Variants in NFATC2 observed in about 807,000 individuals in gnomAD.
NFATC2 encodes the protein nuclear factor of activated T cells 2.
NFATC2 carries 22 observed loss-of-function variants against 87.3 expected under a neutral mutation model. That is an observed-to-expected ratio of 0.25 (90% CI 0.18 to 0.36). The LOEUF is 0.36. NFATC2 is among the 10% of genes least tolerant of loss of function. The probability of loss-of-function intolerance (pLI) is 1.00; values close to 1 mark genes in which losing one functional copy is unlikely to be tolerated. For synonymous variants in NFATC2, 565 were observed against 542.2 expected (o/e 1.04, Z -0.58); for missense variants, 1,149 against 1,259.1 (o/e 0.91, Z 1.32).
chr20:51,503,610 C>T (rs1432755951), intron 3 of NFATC2, among the ~76,000 whole-genome samples: 1 of 152,154 alleles, frequency 6.6e-6, no homozygotes, highest in Admixed American at 6.5e-5. Flanking sequence ...GCCCAGCTGC[C>T]CTGGGTCAGG....
rs761146847 is a variant in NFATC2, at chr20:51,561,477, AAG to A, written c.70+1081_70+1082del. 5.5e-5 allele frequency among the ~76,000 whole-genome samples: 7 copies of A among 127,230 alleles called. No homozygotes were observed. The South Asian group carries it at 7.8e-4, about 14-fold the overall frequency. 83.5% of individuals were successfully genotyped at this position (127,230 alleles called of 152,430 possible). A position where few individuals can be genotyped will look rare whatever the true frequency, so the allele number is the denominator to read the frequency against. On this transcript the variant is annotated intron_variant, in intron 1 of 10. Coordinates refer to the NFATC2 transcript ENST00000414705. ...AAAGAAAGAAAGAAAGAAAGAAAGA[AAG>A]AAAGAAAGCAAGCAAGCAAGCAAGC...
At chr20:51,562,662 A>C (rs2077042844), upstream of NFATC2, 2 of 1,543,898 alleles carry the variant, frequency 1.3e-6, no homozygotes, top group Non-Finnish European at 1.8e-6. This position sits in a 1 kb window ranked among gnomAD's most constrained non-coding sequence, Gnocchi z 5.8. Flanking sequence ...GCGTGTTTGG[A>C]AAGGGGGATC....
At chr20:51,429,608 G>A (rs1982384218) in intron 9 of NFATC2, among the ~76,000 whole-genome samples, 1 of 152,232 alleles carries the variant, frequency 6.6e-6, no homozygotes, top group South Asian at 2.1e-4. Context: ...ACAATCCAGT[G>A]TGGACATCAC....
chr20:51,460,397 C>T (rs1987014220), intron 5 of NFATC2, among the ~76,000 whole-genome samples: 1 of 152,190 alleles, frequency 6.6e-6, no homozygotes, highest in African/African-American at 2.4e-5. Flanking sequence ...TCCCACTTCA[C>T]AGGTCATTAC....
rs924470730 is a variant in NFATC2, at chr20:51,409,933, G to A, written c.2723-11203C>T. Among the ~76,000 whole-genome samples, 19 of 152,160 alleles carry A rather than the reference G, an allele frequency of 1.2e-4. 1 individual carries two copies. The highest frequency in any genetic ancestry group is 4.3e-4 in the African/African-American group (18 of 41,446). ...AACTTTAACAAAAAGAAATATGGCC[G>A]GGCACAGTGGCTCACGCCTGTAATC... On this transcript the variant is annotated intron_variant, in intron 9 of 10. Transcript: ENST00000371564.
chr20:51,551,741 T>C (rs1485323274), intron 1 of NFATC2, among the ~76,000 whole-genome samples: 1 of 151,752 alleles, frequency 6.6e-6, no homozygotes, highest in African/African-American at 2.4e-5. Flanking sequence ...AAAAATATTA[T>C]ATTAGGTCGC....
chr20:51,523,447 G>T lies in NFATC2; in HGVS notation c.794C>A (p.Pro265His). ...SCAEALVALP[P>H]GASPQRSRSP... is the part of the protein sequence containing the mutation. The stretch of plus-strand genomic sequence containing the variant: ...CCGGGAGCGCTGGGGTGAGGCTCCG[G>T]GCGGCAGGGCAACCAAGGCCTCGGC... Residue 265 changes from proline (P) to histidine (H), a missense_variant, in exon 2 of 11, where the codon CCC becomes CAC. Physicochemically the swap from Pro to His is moderately conservative, Grantham distance 77 (BLOSUM62 -2). Around this residue, in one of 3 missense-constraint regions of NFATC2, gnomAD observed 563 missense variants for 585.2 expected, o/e 0.96. Coordinates refer to ENST00000371564, the MANE Select transcript of NFATC2 (RefSeq NM_012340.5). This position sits in a 1 kb window ranked among gnomAD's most constrained non-coding sequence, Gnocchi z 6.9. The T allele has an allele frequency of 6.2e-7, 1 of 1,609,318 alleles. No individual in the cohort carries two copies.
At position 51,389,408 on chromosome 20, in the gene NFATC2, C is replaced by T. The variant is rs1986090631; in HGVS notation, c.*2088G>A. ...TCGAGTGAGAACAAATCACTCACCA[C>T]ACACTCTTGGCTTTTCCCCAGTGAA... On this transcript the variant is annotated 3_prime_UTR_variant, in exon 11 of 11. Transcript: ENST00000371564. The T allele has an allele frequency of 6.6e-6, 1 of 152,170 alleles. No individual in the cohort carries two copies. Among genetic ancestry groups the T allele is most frequent in the African/African-American group, 2.4e-5 (1 of 41,422 alleles). The allele number at this position is 152,170 out of a possible 1,614,324, so 9.4% of individuals were successfully genotyped here. A position where few individuals can be genotyped will look rare whatever the true frequency, so the allele number is the denominator to read the frequency against.
At chr20:51,431,565 T>C (rs1982711803) in intron 9 of NFATC2, among the ~76,000 whole-genome samples, 1 of 152,230 alleles carries the variant, frequency 6.6e-6, no homozygotes, top group East Asian at 1.9e-4. Context: ...GCAGCCTGCC[T>C]GCAAGCTGTT....
intron 9 of NFATC2, among the ~76,000 whole-genome samples, chr20:51,422,461 C>G (rs1487286077): frequency 1.3e-5 from 2 of 152,132 alleles, no homozygotes; most frequent in African/African-American, 4.8e-5. Flanking sequence ...TATTCACAGG[C>G]ACAACTTGAC....
At chr20:51,443,534 G>C (rs1384447569) in intron 6 of NFATC2, among the ~76,000 whole-genome samples, 1 of 152,182 alleles carries the variant, frequency 6.6e-6, no homozygotes, top group East Asian at 1.9e-4. Context: ...TGATGAGGAA[G>C]GAGCTGGGAA....
chr20:51,486,022 C>G lies in NFATC2; in HGVS notation c.1333-10362G>C, dbSNP rs150875668. Among the ~76,000 whole-genome samples the G allele has an allele frequency of 5.7e-3, 860 of 152,136 alleles. 6 individuals carry two copies. The highest frequency in any genetic ancestry group is 0.02 in the African/African-American group (821 of 41,498). On this transcript the variant is annotated intron_variant, in intron 3 of 10. Transcript: ENST00000371564. Reference sequence around the variant, plus strand: ...GGCCAGGAGCTCAAGACCAGCCTGGCCAACATGGTGAAACCCCGTCTCTAC... The same window carrying G: ...GGCCAGGAGCTCAAGACCAGCCTGGGCAACATGGTGAAACCCCGTCTCTAC...
intron 5 of NFATC2, among the ~76,000 whole-genome samples, chr20:51,456,649 C>T (rs571426661): frequency 3.3e-5 from 5 of 152,338 alleles, no homozygotes; most frequent in Admixed American, 2.6e-4. Context: ...TGGGGTGAGT[C>T]AGTCTGAGCT....
chr20:51,488,143 A>C (rs144801945), intron 3 of NFATC2, among the ~76,000 whole-genome samples: 122 of 152,202 alleles, frequency 8.0e-4, no homozygotes, highest in African/African-American at 2.7e-3. Flanking sequence ...TCCCAAGTTC[A>C]TTCACTCCTC....
chr20:51,494,350 T>C (rs2075952567), intron 3 of NFATC2, among the ~76,000 whole-genome samples: 1 of 151,804 alleles, frequency 6.6e-6, no homozygotes, highest in South Asian at 2.1e-4. Flanking sequence ...TGGTGGCTTT[T>C]CTGCTACACC....
intron 6 of NFATC2, among the ~76,000 whole-genome samples, chr20:51,446,863 A>G (rs1985128769): frequency 6.6e-6 from 1 of 152,184 alleles, no homozygotes; most frequent in African/African-American, 2.4e-5. Flanking sequence ...ACAGAGGGCA[A>G]AGGTCCGGAG....
chr20:51,415,468 C>T (rs2146285237), intron 9 of NFATC2, among the ~76,000 whole-genome samples: 1 of 152,128 alleles, frequency 6.6e-6, no homozygotes, highest in South Asian at 2.1e-4. Flanking sequence ...TATTGTGGTC[C>T]CTGAGTAGTT....
At chr20:51,553,602 A>G (rs1282903450) in intron 1 of NFATC2, among the ~76,000 whole-genome samples, 3 of 150,942 alleles carry the variant, frequency 2.0e-5, no homozygotes, top group Admixed American at 6.6e-5. Context: ...ATGAACCTGG[A>G]AGGCAGGAGC....
chr20:51,412,002 C>T (rs1194236253), intron 9 of NFATC2, among the ~76,000 whole-genome samples: 2 of 152,080 alleles, frequency 1.3e-5, no homozygotes, highest in Admixed American at 6.6e-5. Context: ...TTAGGGTGAG[C>T]GAGCCCCTCT....
Sources: gnomAD v4.1 joint callset for allele counts (sites outside exome capture counted in the v4.1 genomes callset) on GRCh38, gnomAD v4.1.1 for gene constraint, gnomAD v4.1.1 regional missense constraint, Gnocchi (gnomAD v3.1) non-coding constraint, MANE v1.5 for transcripts, NCBI Gene and HGNC (gene_info 2026-07-23, HGNC 2026-07-21) for gene names.